The following SH3RF3 variants were observed in gnomAD, a reference collection of about 807,000 sequenced individuals.
The protein encoded by SH3RF3 is E3 ubiquitin-protein ligase SH3RF3.
A neutral mutation model predicts 66.3 loss-of-function variants in SH3RF3; 29 were observed. That is an observed-to-expected ratio of 0.44 (90% CI 0.33 to 0.60). SH3RF3 has a LOEUF of 0.60. Ranked by LOEUF, SH3RF3 falls within the 20% of genes least tolerant of loss-of-function variation. The pLI, the probability that SH3RF3 is intolerant of heterozygous loss-of-function variation, is 0.04. For missense variants in SH3RF3, 1,194 were observed against 1,190.9 expected, an observed-to-expected ratio of 1.00 and a Z score of -0.04; for synonymous variants, 583 against 532.0, an observed-to-expected ratio of 1.10 and a Z score of -1.32.
chr2:109,351,388 C>T (rs1682834067), intron 2 of SH3RF3, among the ~76,000 whole-genome samples: 1 of 152,198 alleles, frequency 6.6e-6, no homozygotes, highest in South Asian at 2.1e-4. Flanking sequence ...TGCTGAGAAC[C>T]ACATGATATA....
chr2:109,404,672 C>T (rs13408607), intron 4 of SH3RF3, among the ~76,000 whole-genome samples: 6,364 of 152,182 alleles, frequency 0.042, 294 homozygotes, highest in African/African-American at 0.11. Context: ...CCTCTCCCAC[C>T]GGGTGCCCCC....
At chr2:109,287,596 A>G (rs1451774081) in intron 1 of SH3RF3, among the ~76,000 whole-genome samples, 1 of 151,952 alleles carries the variant, frequency 6.6e-6, no homozygotes, top group Non-Finnish European at 1.5e-5. Context: ...TGCACTATAT[A>G]CCCAGGCGCA....
chr2:109,318,499 A>G (rs1681940061), intron 1 of SH3RF3, among the ~76,000 whole-genome samples: 1 of 152,212 alleles, frequency 6.6e-6, no homozygotes, highest in Admixed American at 6.5e-5. Flanking sequence ...ATCATAGCAC[A>G]ATCATTTTGG....
At chr2:109,236,319 T>C (rs766396881) in intron 1 of SH3RF3, among the ~76,000 whole-genome samples, 1 of 152,130 alleles carries the variant, frequency 6.6e-6, no homozygotes, top group Non-Finnish European at 1.5e-5. Context: ...AGGGGAATAA[T>C]GAGCAATGCC....
At chr2:109,252,004 A>C (rs1337922749) in intron 1 of SH3RF3, among the ~76,000 whole-genome samples, 1 of 152,176 alleles carries the variant, frequency 6.6e-6, no homozygotes, top group African/African-American at 2.4e-5. Flanking sequence ...CCACTTTGGG[A>C]GGCCAAGGTA....
intron 1 of SH3RF3, among the ~76,000 whole-genome samples, chr2:109,211,614 C>A (rs368699686): frequency 6.6e-6 from 1 of 151,444 alleles, no homozygotes; most frequent in East Asian, 1.9e-4. Flanking sequence ...CAGACAGATG[C>A]ACATGAGCCC....
At chr2:109,321,377 A>G (rs540017257) in intron 1 of SH3RF3, among the ~76,000 whole-genome samples, 2 of 152,360 alleles carry the variant, frequency 1.3e-5, no homozygotes, top group South Asian at 2.1e-4. Context: ...GCCAAAGCCT[A>G]TGTGGATTAG....
At chr2:109,378,595 A>G (rs1683443560) in intron 3 of SH3RF3, among the ~76,000 whole-genome samples, 1 of 152,172 alleles carries the variant, frequency 6.6e-6, no homozygotes, top group Non-Finnish European at 1.5e-5. Context: ...GCATTCCTGC[A>G]GATGTTCTTG....
Position 109,465,030 on chromosome 2 carries a change from T to G in SH3RF3, c.2148+15541T>G, listed in dbSNP as rs569315363. Among the ~76,000 whole-genome samples, 3 of 152,348 alleles carry G rather than the reference T, an allele frequency of 2.0e-5. No homozygotes were observed. The East Asian group carries it at 5.8e-4, about 29-fold the overall frequency. ...TGACCTTTTTACTGCCTTCATAGAT[T>G]TGCCTTTTCTAGATTGTTATACAAT... On this transcript the variant is annotated intron_variant, in intron 8 of 9. Coordinates refer to ENST00000309415, the MANE Select transcript of SH3RF3 (RefSeq NM_001099289.3).
At chr2:109,221,418 A>G (rs1022412576) in intron 1 of SH3RF3, among the ~76,000 whole-genome samples, 1 of 152,130 alleles carries the variant, frequency 6.6e-6, no homozygotes, top group Non-Finnish European at 1.5e-5. Flanking sequence ...CCCTGTCTCT[A>G]CTAAAAATAC....
intron 1 of SH3RF3, among the ~76,000 whole-genome samples, chr2:109,321,558 A>G (rs1682027169): frequency 1.3e-5 from 2 of 152,386 alleles, no homozygotes; most frequent in African/African-American, 2.4e-5. Context: ...ACATTCTCCA[A>G]TAACTGGATG....
In SH3RF3 at chr2:109,449,338, T is replaced by C; in HGVS notation, c.1997T>C (p.Ile666Thr). 5 of 1,603,932 alleles carry C rather than the reference T, an allele frequency of 3.1e-6. No individual in the cohort carries two copies. Among genetic ancestry groups the C allele is most frequent in the Non-Finnish European group, 4.3e-6 (5 of 1,174,280 alleles). The change falls in exon 8 of 10, where the codon ATC becomes ACC. Residue 666 changes from isoleucine to threonine, a missense_variant. Physicochemically the swap from Ile to Thr is moderately conservative, Grantham distance 89. Transcript: ENST00000309415. ...GTGCAGATGTGCCCACGGCCGGCCATCCCCCTCACATCAGCAGCATCAGCC... is the reference window on the plus strand; with the variant it reads ...GTGCAGATGTGCCCACGGCCGGCCACCCCCCTCACATCAGCAGCATCAGCC... Reference protein sequence around the residue: ...PPVQMCPRPAIPLTSAASAIT... With the variant: ...PPVQMCPRPATPLTSAASAIT...
intron 1 of SH3RF3, among the ~76,000 whole-genome samples, chr2:109,313,783 C>T (rs1177188187): frequency 2.6e-5 from 4 of 152,334 alleles, no homozygotes; most frequent in East Asian, 3.9e-4. Flanking sequence ...CTGCTCCAGG[C>T]AGCTGTGGCA....
At chr2:109,371,744 G>A (rs750199665) in intron 3 of SH3RF3, 63 bp downstream of exon 3, 18 of 1,435,986 alleles carry the variant, frequency 1.3e-5, no homozygotes, top group Non-Finnish European at 1.6e-5. Context: ...CACTACAGTG[G>A]GGTCACCTGA....
intron 1 of SH3RF3, among the ~76,000 whole-genome samples, chr2:109,173,452 T>C (rs1677836765): frequency 1.3e-5 from 2 of 152,164 alleles, no homozygotes; most frequent in Admixed American, 6.5e-5. Flanking sequence ...CTTCATTGCC[T>C]CTCCAGTTGA....
At chr2:109,312,733 A>G (rs551311762) in intron 1 of SH3RF3, among the ~76,000 whole-genome samples, 5 of 152,316 alleles carry the variant, frequency 3.3e-5, no homozygotes, top group Middle Eastern at 3.4e-3. Flanking sequence ...AGAATGTCCC[A>G]CTGTATGGTA....
At chr2:109,281,971 C>T (rs901183777) in intron 1 of SH3RF3, among the ~76,000 whole-genome samples, 1 of 151,992 alleles carries the variant, frequency 6.6e-6, no homozygotes, top group Non-Finnish European at 1.5e-5. Flanking sequence ...GCCCAATGGC[C>T]GAGCGCTGGG....
At chr2:109,462,279 T>C (rs1678227258) in intron 8 of SH3RF3, among the ~76,000 whole-genome samples, 1 of 151,640 alleles carries the variant, frequency 6.6e-6, no homozygotes, top group African/African-American at 2.4e-5. Context: ...TGAGTTTCAT[T>C]GCTGGCCTTG....
In SH3RF3 at chr2:109,258,831, G is replaced by T. The variant is rs142462999; in HGVS notation, c.574-88843G>T. Among the ~76,000 whole-genome samples, 545 of 152,352 alleles carry T rather than the reference G, an allele frequency of 3.6e-3. 4 individuals carry two copies. Among genetic ancestry groups the T allele is most frequent in the Non-Finnish European group, 4.6e-3 (312 of 68,030 alleles). On this transcript the variant is annotated intron_variant, in intron 1 of 9. Transcript: ENST00000309415. ...AGGTCAGAGCAGGACCCATCCAGGG[G>T]CAGTGACCTGTGCTGATGTCCTTGG...
Sources: allele counts gnomAD v4.1 joint callset (sites outside exome capture counted in the v4.1 genomes callset), GRCh38; gene constraint gnomAD v4.1.1; transcripts MANE v1.5; gene names NCBI Gene and HGNC (gene_info 2026-07-23, HGNC 2026-07-21).